The following KNSTRN variants were observed in gnomAD, a reference collection of about 807,000 sequenced individuals.
The protein encoded by KNSTRN is kinetochore localized astrin (SPAG5) binding protein.
A neutral mutation model predicts 44.7 loss-of-function variants in KNSTRN; 38 were observed. The observed-to-expected ratio is 0.85, with a 90% CI of 0.66 to 1.11. The LOEUF (loss-of-function observed/expected upper bound fraction) is 1.11. KNSTRN is among the 50% of genes most tolerant of loss of function. The pLI, the probability that KNSTRN is intolerant of heterozygous loss-of-function variation, is 0.00. For synonymous variants in KNSTRN, 158 were observed against 148.1 expected (o/e 1.07, Z -0.48); for missense variants, 406 against 375.8 (o/e 1.08, Z -0.66).
chr15:40,383,107 A>G, intron 1 of KNSTRN, 63 bp downstream of exon 1: 2 of 1,597,620 alleles, frequency 1.3e-6, no homozygotes, highest in Non-Finnish European at 1.7e-6. Flanking sequence ...GAGCTGGGAA[A>G]GGAGGATTTT....
chr15:40,392,857 C>G (rs1890023958), intron 8 of KNSTRN, among the ~76,000 whole-genome samples: 1 of 152,068 alleles, frequency 6.6e-6, no homozygotes, highest in Non-Finnish European at 1.5e-5. Flanking sequence ...GTGATCTGCC[C>G]GCCTAGGCTT....
Position 40,393,531 on chromosome 15 carries a change from A to G in KNSTRN, c.885A>G (p.Leu295=). The change falls in exon 9 of 9, where the codon TTA becomes TTG. Residue 295 remains leucine (L), a synonymous_variant. Transcript: ENST00000249776. ...TCCGATTCCTAGAACAGCAAACCTT[A>G]TGTAACAATCAAGTAAATGATTTAA... ...ERVRFLEQQT[L]CNNQVNDLTT... 1.2e-6 allele frequency: 2 copies of G among 1,614,146 alleles called. No homozygotes were observed. The highest frequency in any genetic ancestry group is 1.7e-6 in the Non-Finnish European group (2 of 1,180,016).
chr15:40,392,517 C>T (rs1890018039), intron 8 of KNSTRN, among the ~76,000 whole-genome samples: 1 of 152,162 alleles, frequency 6.6e-6, no homozygotes, highest in Admixed American at 6.5e-5. Flanking sequence ...AACAAGACCC[C>T]ATCTCTACAA....
In KNSTRN at chr15:40,386,558, TAGAAAAC is replaced by T. The variant is rs940123884; in HGVS notation, c.437+68_437+74del. 3 of 1,564,418 alleles carry T rather than the reference TAGAAAAC, an allele frequency of 1.9e-6. No individual in the cohort carries two copies. The African/African-American group carries it at 4.1e-5, about 21-fold the overall frequency. On this transcript the variant is annotated intron_variant, in intron 3 of 8. Transcript: ENST00000249776. ...CTAGAAATTGCTCAATACAAAGAATTAGAAAACAGAGTTTTGGACAACACAAGTCTCC... is the reference window on the plus strand; with the variant it reads ...CTAGAAATTGCTCAATACAAAGAATTAGAGTTTTGGACAACACAAGTCTCC...
chr15:40,384,704 T>C (rs1460968894), intron 2 of KNSTRN: 3 of 268,304 alleles, frequency 1.1e-5, no homozygotes, highest in African/African-American at 6.8e-5. Context: ...TTTGTTTTGA[T>C]TTTGAGCGTG....
chr15:40,383,033 G>T lies in KNSTRN; in HGVS notation c.198G>T (p.Arg66=). 6.2e-7 allele frequency: 1 copy of T among 1,610,708 alleles called. No individual in the cohort carries two copies. The highest frequency in any genetic ancestry group is 8.5e-7 in the Non-Finnish European group (1 of 1,179,988). ...NESEKDCGQD[R]RAPGVQPCRL... is the part of the protein sequence containing the mutation. Reference sequence around the variant, plus strand: ...GCGAGAAGGACTGCGGGCAGGACCGGCGGGCTCCTGGGTTCGGCTCTCCCG... The same window carrying T: ...GCGAGAAGGACTGCGGGCAGGACCGTCGGGCTCCTGGGTTCGGCTCTCCCG... Residue 66 remains arginine, a synonymous_variant, in exon 1 of 9, where the codon CGG becomes CGT. Coordinates refer to ENST00000249776, the MANE Select transcript of KNSTRN (RefSeq NM_033286.4).
chr15:40,386,280 T>G, intron 2 of KNSTRN, 82 bp from the exon 3 acceptor site: 1 of 1,373,602 alleles, frequency 7.3e-7, no homozygotes. Flanking sequence ...TTATGACAAC[T>G]TCGAATGGGG....
intron 8 of KNSTRN, among the ~76,000 whole-genome samples, chr15:40,392,413 G>C (rs1425408322): frequency 6.6e-6 from 1 of 152,190 alleles, no homozygotes; most frequent in South Asian, 2.1e-4. Flanking sequence ...AATCAGCCAG[G>C]CATGGTGGCT....
At chr15:40,383,464 T>C in intron 2 of KNSTRN, 142 bp downstream of exon 2, 4 of 622,810 alleles carry the variant, frequency 6.4e-6, no homozygotes, top group Middle Eastern at 4.2e-4. Context: ...AACCAGGCTA[T>C]GTAGGTTTAT....
rs141175447 is a variant in KNSTRN at position 40,388,563 on chromosome 15, C to T, written c.486-943C>T. Among the ~76,000 whole-genome samples, 842 of 152,118 alleles carry T rather than the reference C, an allele frequency of 5.5e-3. 8 individuals carry two copies. Among genetic ancestry groups the T allele is most frequent in the Middle Eastern group, 0.041 (12 of 294 alleles). On this transcript the variant is annotated intron_variant, in intron 4 of 8. Transcript: ENST00000249776. ...ACAAAAAATTAGCCAGGCATGGTGG[C>T]GGGTGCCTGTAGTCCCAGCTACTCG...
At chr15:40,389,182 G>T (rs1416652528) in intron 4 of KNSTRN, 1 of 464,582 alleles carries the variant, frequency 2.2e-6, no homozygotes, top group South Asian at 1.6e-5. Flanking sequence ...TTTTGCTCTT[G>T]TTGCCACCCA....
intron 7 of KNSTRN, 185 bp from the exon 8 acceptor site, chr15:40,391,764 G>C: frequency 1.5e-6 from 1 of 665,616 alleles, no homozygotes; most frequent in Non-Finnish European, 2.6e-6. Flanking sequence ...AGTCTGAATT[G>C]AAAATTTAAA....
intron 5 of KNSTRN, 107 bp from the exon 6 acceptor site, chr15:40,389,725 GAAAA>G (rs1194778441): frequency 7.7e-7 from 1 of 1,295,738 alleles, no homozygotes; most frequent in East Asian, 2.3e-5. Context: ...CCCAAGGGCA[GAAAA>G]AAAAAGCCAG....
chr15:40,383,589 G>A (rs1034416881), intron 2 of KNSTRN, among the ~76,000 whole-genome samples: 2 of 152,248 alleles, frequency 1.3e-5, no homozygotes, highest in Non-Finnish European at 2.9e-5. Flanking sequence ...ATTGTACAAT[G>A]TTATTCCCAT....
At chr15:40,385,184 A>G (rs570936226) in intron 2 of KNSTRN, among the ~76,000 whole-genome samples, 1 of 152,318 alleles carries the variant, frequency 6.6e-6, no homozygotes, top group South Asian at 2.1e-4. Context: ...ACAGTGAACA[A>G]AGTGAGAGTA....
At position 40,389,940 on chromosome 15, in the gene KNSTRN, G is replaced by T; in HGVS notation, c.685+11G>T. The T allele has an allele frequency of 6.2e-7, 1 of 1,607,382 alleles. No homozygotes were observed. On this transcript the variant is annotated intron_variant, in intron 6 of 8. Transcript: ENST00000249776. ...AGGGCCTTGATCCAGGTAAGAGACA[G>T]CACACAGCTAGCCTCCTTTGAAGGA...
Position 40,389,862 on chromosome 15 carries a change from G to T in KNSTRN, c.618G>T (p.Lys206Asn). The change falls in exon 6 of 9, where the codon AAG becomes AAT. Residue 206 changes from lysine (K) to asparagine (N), a missense_variant. By Grantham distance (94) the Lys-to-Asn change is moderately conservative. Transcript: ENST00000249776. ...GAGAGCTGAAGGACCTGACCCAGAA[G>T]GTAGAGCTGCTGGAGAAGTTTCGGG... ...TQGELKDLTQ[K>N]VELLEKFRDN... The T allele has an allele frequency of 1.2e-6, 2 of 1,614,236 alleles. No homozygotes were observed. The highest frequency in any genetic ancestry group is 1.7e-6 in the Non-Finnish European group (2 of 1,180,036).
In KNSTRN at chr15:40,389,513, C is replaced by T; in HGVS notation, c.493C>T (p.Pro165Ser). 2 of 1,613,070 alleles carry T rather than the reference C, an allele frequency of 1.2e-6. No homozygotes were observed. The highest frequency in any genetic ancestry group is 1.1e-5 in the South Asian group (1 of 91,082). Residue 165 changes from proline (P) to serine (S), a missense_variant, in exon 5 of 9, where the codon CCA (proline) becomes TCA (serine). By Grantham distance (74) the Pro-to-Ser change is moderately conservative. Coordinates refer to ENST00000249776, the MANE Select transcript of KNSTRN (RefSeq NM_033286.4). ...GTACAACTATTATTACAGCTACAAACCACTGAGTAAGCAAAAATCAGAGGA... is the reference window on the plus strand; with the variant it reads ...GTACAACTATTATTACAGCTACAAATCACTGAGTAAGCAAAAATCAGAGGA... ...TRRNVRKGYK[P>S]LSKQKSEEEL...
chr15:40,393,372 G>T (rs1246350760), intron 8 of KNSTRN, 97 bp from the exon 9 acceptor site: 1 of 1,590,770 alleles, frequency 6.3e-7, no homozygotes, highest in Middle Eastern at 1.7e-4. Flanking sequence ...TTCCTTAGTG[G>T]AATAGGAGCA....
Sources: allele counts gnomAD v4.1 joint callset (sites outside exome capture counted in the v4.1 genomes callset), GRCh38; gene constraint gnomAD v4.1.1; transcripts MANE v1.5; gene names NCBI Gene and HGNC (gene_info 2026-07-23, HGNC 2026-07-21).